Variants in KIAA1217 observed in about 807,000 individuals in gnomAD.
The protein encoded by KIAA1217 is sickle tail protein homolog.
KIAA1217 carries 88 observed loss-of-function variants against 163.9 expected under a neutral mutation model. The ratio of observed to expected loss-of-function variants is 0.54; its 90% confidence interval spans 0.45 to 0.64. KIAA1217 has a LOEUF of 0.64. KIAA1217 is among the 30% of genes least tolerant of loss of function. KIAA1217 has a pLI of 0.00. For missense variants in KIAA1217, 2,372 were observed against 2,475.0 expected (o/e 0.96, Z 0.88); for synonymous variants, 903 against 923.1 (o/e 0.98, Z 0.39).
chr10:24,268,369 A>T (rs2076435929), intron 2 of KIAA1217, among the ~76,000 whole-genome samples: 1 of 152,180 alleles, frequency 6.6e-6, no homozygotes, highest in Admixed American at 6.5e-5. Flanking sequence ...ATTTTAAAAA[A>T]CAAACAACCC....
chr10:24,509,302 T>G (rs2068778023), intron 9 of KIAA1217, among the ~76,000 whole-genome samples: 1 of 152,170 alleles, frequency 6.6e-6, no homozygotes, highest in Admixed American at 6.5e-5. Flanking sequence ...AGAGAACCTA[T>G]GTAGACCTTG....
At chr10:23,987,502 C>A (rs1203652013) in intron 1 of KIAA1217, among the ~76,000 whole-genome samples, 3 of 150,732 alleles carry the variant, frequency 2.0e-5, no homozygotes, top group African/African-American at 7.3e-5. Flanking sequence ...CTTTAATTGA[C>A]AAAACTTATA....
At chr10:23,962,578 T>G (rs1367881606) in intron 1 of KIAA1217, among the ~76,000 whole-genome samples, 1 of 152,228 alleles carries the variant, frequency 6.6e-6, no homozygotes, top group Non-Finnish European at 1.5e-5. Flanking sequence ...TACTATATAT[T>G]GTGTCTCAAA....
chr10:24,126,427 A>C (rs143653710), intron 2 of KIAA1217, among the ~76,000 whole-genome samples: 1 of 152,220 alleles, frequency 6.6e-6, no homozygotes, highest in African/African-American at 2.4e-5. Context: ...AACATGTTAG[A>C]TAATCTGTTC....
intron 1 of KIAA1217, among the ~76,000 whole-genome samples, chr10:23,869,864 A>G (rs993672119): frequency 6.6e-6 from 1 of 152,140 alleles, no homozygotes; most frequent in Admixed American, 6.6e-5. Context: ...TTTTTAGTCA[A>G]TATTTAGTTA....
At chr10:23,709,963 G>A (rs117585013) in intron 1 of KIAA1217, among the ~76,000 whole-genome samples, 2 of 152,182 alleles carry the variant, frequency 1.3e-5, no homozygotes, top group Non-Finnish European at 2.9e-5. Context: ...TATGTGAAGA[G>A]TTAATTATCT....
intron 1 of KIAA1217, among the ~76,000 whole-genome samples, chr10:23,931,103 G>A (rs985437895): frequency 6.6e-6 from 1 of 151,896 alleles, no homozygotes; most frequent in Non-Finnish European, 1.5e-5. Flanking sequence ...AACTCACCCC[G>A]CCTGCTTCTA....
At chr10:23,970,138 C>T (rs1439678377) in intron 1 of KIAA1217, among the ~76,000 whole-genome samples, 1 of 152,134 alleles carries the variant, frequency 6.6e-6, no homozygotes, top group Non-Finnish European at 1.5e-5. Flanking sequence ...CACAGCCAAA[C>T]CATATCACCA....
Position 24,542,795 on chromosome 10 carries a change from G to A in KIAA1217, c.3612+25G>A, listed in dbSNP as rs374001340. ...GGTGAGTTCACCAGATCTGGGTTCC[G>A]ACCAATACCATGCACATTAAGTACC... is the stretch of plus-strand genomic sequence containing the variant. On this transcript the variant is annotated intron_variant, in intron 18 of 20. Transcript: ENST00000376454. The A allele has an allele frequency of 4.8e-5, 78 of 1,612,602 alleles. No homozygotes were observed. In the Middle Eastern group the frequency reaches 1.2e-3, roughly 24 times the overall value.
At chr10:23,941,767 A>G (rs1380681034) in intron 1 of KIAA1217, among the ~76,000 whole-genome samples, 1 of 152,198 alleles carries the variant, frequency 6.6e-6, no homozygotes, top group Non-Finnish European at 1.5e-5. Context: ...CTTAGAAGAG[A>G]GTTTGGAACT....
intron 2 of KIAA1217, among the ~76,000 whole-genome samples, chr10:24,136,583 C>A (rs963679445): frequency 6.6e-6 from 1 of 152,184 alleles, no homozygotes; most frequent in East Asian, 1.9e-4. Flanking sequence ...TAGAAACTTA[C>A]ACTGATGATC....
rs2064969854 is a variant in KIAA1217, at chr10:24,158,299, T to C, written c.-170-61327T>C. On this transcript the variant is annotated intron_variant, in intron 2 of 18. Transcript: ENST00000376462. Reference sequence around the variant, plus strand: ...ATTTTCTCCTTCCCGGTTGGATCCTTTTTATACTCAAGGAGATTCTTTGAC... The same window carrying C: ...ATTTTCTCCTTCCCGGTTGGATCCTCTTTATACTCAAGGAGATTCTTTGAC... 30 of 700,718 alleles carry C rather than the reference T, an allele frequency of 4.3e-5. 1 individual carries two copies. The highest frequency in any genetic ancestry group is 3.7e-4 in the South Asian group (27 of 73,602). The allele number at this position is 700,718 out of a possible 1,614,324, so 43.4% of individuals were successfully genotyped here.
At chr10:24,250,125 G>A (rs2074301052) in intron 2 of KIAA1217, among the ~76,000 whole-genome samples, 3 of 152,138 alleles carry the variant, frequency 2.0e-5, no homozygotes, top group Admixed American at 2.0e-4. Context: ...ACTCACCCCT[G>A]AAGTCAAGCC....
At chr10:24,040,752 T>C (rs1306035771) in intron 2 of KIAA1217, among the ~76,000 whole-genome samples, 1 of 152,178 alleles carries the variant, frequency 6.6e-6, no homozygotes, top group East Asian at 1.9e-4. Context: ...GAAGAATTGA[T>C]TTTGTAACTG....
intron 1 of KIAA1217, among the ~76,000 whole-genome samples, chr10:23,865,849 A>G (rs958386994): frequency 9.9e-5 from 15 of 152,190 alleles, no homozygotes; most frequent in Non-Finnish European, 1.5e-4. Flanking sequence ...TCCTTTCTCC[A>G]ATAAATTAAA....
intron 6 of KIAA1217, among the ~76,000 whole-genome samples, chr10:24,490,558 A>G (rs1300984890): frequency 6.6e-6 from 1 of 152,252 alleles, no homozygotes; most frequent in Non-Finnish European, 1.5e-5. Context: ...TTATTAATGT[A>G]TAAATCAGAT....
At chr10:24,121,320 G>A (rs2063273817) in intron 2 of KIAA1217, among the ~76,000 whole-genome samples, 1 of 152,178 alleles carries the variant, frequency 6.6e-6, no homozygotes, top group African/African-American at 2.4e-5. Flanking sequence ...TCTCTCCTCT[G>A]TGTTAACCTC....
Position 24,531,703 on chromosome 10 carries a change from A to C in KIAA1217, c.3083-127A>C, listed in dbSNP as rs1257051324. ...TCACTCTTTAGGGTCTATACACTTA[A>C]TCCTTGCTCTATGGAGAGAACAGAA... On this transcript the variant is annotated intron_variant, in intron 14 of 20. Coordinates refer to ENST00000376454, the MANE Select transcript of KIAA1217 (RefSeq NM_019590.5). The C allele has an allele frequency of 2.0e-5, 18 of 889,036 alleles. No homozygotes were observed. In the Admixed American group the frequency reaches 5.7e-4, roughly 28 times the overall value. 55.1% of individuals were successfully genotyped at this position (889,036 alleles called of 1,614,324 possible).
At chr10:24,257,907 C>G (rs188122020) in intron 2 of KIAA1217, among the ~76,000 whole-genome samples, 1 of 152,296 alleles carries the variant, frequency 6.6e-6, no homozygotes, top group Non-Finnish European at 1.5e-5. Flanking sequence ...AGACCTGAGT[C>G]AGGTCCTGCC....
Sources: gnomAD v4.1 joint callset for allele counts (sites outside exome capture counted in the v4.1 genomes callset) on GRCh38, gnomAD v4.1.1 for gene constraint, MANE v1.5 for transcripts, NCBI Gene and HGNC (gene_info 2026-07-23, HGNC 2026-07-21) for gene names.